The following DACH2 variants were observed in gnomAD, a reference collection of about 807,000 sequenced individuals.
DACH2 encodes the protein dachshund homolog 2.
DACH2 carries 17 observed loss-of-function variants against 35.8 expected under a neutral mutation model. The ratio of observed to expected loss-of-function variants is 0.48; its 90% CI spans 0.33 to 0.71. DACH2 has a LOEUF of 0.71. DACH2 is among the 30% of genes least tolerant of loss of function. The probability of loss-of-function intolerance (pLI) is 0.02; values close to 1 mark genes in which losing one functional copy is unlikely to be tolerated. For missense variants in DACH2, 469 were observed against 472.7 expected, an observed-to-expected ratio of 0.99 and a Z score of 0.07; for synonymous variants, 195 against 177.3, an observed-to-expected ratio of 1.10 and a Z score of -0.79.
At chrX:86,505,600 G>A (rs992532659) in intron 2 of DACH2, among the ~76,000 whole-genome samples, 3 of 106,173 alleles carry the variant, frequency 2.8e-5, no homozygotes, top group African/African-American at 3.5e-5. Flanking sequence ...CTATGTTGTA[G>A]CATGTGTCAG....
intron 1 of DACH2, among the ~76,000 whole-genome samples, chrX:86,194,129 A>G (rs2031911097): frequency 9.0e-6 from 1 of 110,971 alleles, no homozygotes; most frequent in Non-Finnish European, 1.9e-5. Flanking sequence ...AAACCAGGCT[A>G]GCCAAGTTCT....
At chrX:86,656,847 G>A (rs746329706) in intron 4 of DACH2, among the ~76,000 whole-genome samples, 58 of 66,501 alleles carry the variant, frequency 8.7e-4, no homozygotes, top group Non-Finnish European at 4.9e-4. Context: ...TAAAATACAT[G>A]TGTGTGTGTG....
Position 86,787,972 on chromosome X carries a change from T to G in DACH2, c.1241-24884T>G, listed in dbSNP as rs2042154058. 3.6e-5 allele frequency among the ~76,000 whole-genome samples: 4 copies of G among 111,105 alleles called. No individual in the cohort carries two copies. In the Admixed American group the frequency reaches 3.9e-4, roughly 11 times the overall value. ...GGGCCAAGCGGGCAACTTGAGAGAT[T>G]CGAGTGCACTACTTGACCTTTTGAC... On this transcript the variant is annotated intron_variant, in intron 7 of 11. Coordinates refer to ENST00000373125, the MANE Select transcript of DACH2 (RefSeq NM_053281.3).
chrX:86,739,525 G>A (rs1457822939), intron 6 of DACH2, among the ~76,000 whole-genome samples: 1 of 111,690 alleles, frequency 9.0e-6, no homozygotes, highest in East Asian at 2.8e-4. Context: ...TTTACTATAT[G>A]CTTTTTTGAC....
chrX:86,401,345 G>T (rs2036425307), intron 2 of DACH2, among the ~76,000 whole-genome samples: 1 of 112,048 alleles, frequency 8.9e-6, no homozygotes, highest in South Asian at 3.7e-4. Flanking sequence ...GTGATGCCTT[G>T]CCCTGCTTCG....
At chrX:86,563,030 A>G (rs1405274163) in intron 3 of DACH2, among the ~76,000 whole-genome samples, 1 of 111,178 alleles carries the variant, frequency 9.0e-6, no homozygotes, top group East Asian at 2.8e-4. Flanking sequence ...ATTCATGACT[A>G]TATTTTGCTG....
chrX:86,679,522 A>G (rs1023872439), intron 4 of DACH2, among the ~76,000 whole-genome samples: 4 of 111,151 alleles, frequency 3.6e-5, no homozygotes, highest in Non-Finnish European at 7.5e-5. Context: ...CTATTATTTT[A>G]TAAAACTCCA....
chrX:86,769,678 T>C (rs1483886339), intron 7 of DACH2, among the ~76,000 whole-genome samples: 1 of 111,829 alleles, frequency 8.9e-6, no homozygotes, highest in Admixed American at 9.5e-5. Flanking sequence ...CATATAGTCA[T>C]ATAATCATCT....
In DACH2 at chrX:86,706,959, A is replaced by G. The variant is rs377251119; in HGVS notation, c.932-7589A>G. On this transcript the variant is annotated intron_variant, in intron 5 of 11. Coordinates refer to ENST00000373125, the MANE Select transcript of DACH2 (RefSeq NM_053281.3). ...GGAAAATAAAAAGATAAAAAATTAAATCTAAAGCAGAAGAAAATATATAAT... is the reference window on the plus strand; with the variant it reads ...GGAAAATAAAAAGATAAAAAATTAAGTCTAAAGCAGAAGAAAATATATAAT... Among the ~76,000 whole-genome samples, 13 of 110,691 alleles carry G rather than the reference A, an allele frequency of 1.2e-4. No individual in the cohort carries two copies. In the South Asian group the frequency reaches 4.5e-3, roughly 38 times the overall value.
intron 1 of DACH2, among the ~76,000 whole-genome samples, chrX:86,185,216 G>A (rs939355976): frequency 1.8e-5 from 2 of 111,570 alleles, no homozygotes; most frequent in Non-Finnish European, 3.8e-5. Context: ...AAAAACCTAA[G>A]GTTATCATGC....
chrX:86,607,413 A>T (rs1197485246), intron 3 of DACH2, among the ~76,000 whole-genome samples: 1 of 111,181 alleles, frequency 9.0e-6, no homozygotes, highest in Non-Finnish European at 1.9e-5. Context: ...ATAACCCATT[A>T]TTATGAGGTG....
At chrX:86,738,277 C>T (rs139381769) in intron 6 of DACH2, among the ~76,000 whole-genome samples, 67 of 111,768 alleles carry the variant, frequency 6.0e-4, no homozygotes, top group African/African-American at 2.0e-3. Context: ...CAATGCCAGA[C>T]ATTGGATAAT....
At chrX:86,249,254 G>T (rs2033351328) in intron 1 of DACH2, among the ~76,000 whole-genome samples, 1 of 111,242 alleles carries the variant, frequency 9.0e-6, no homozygotes, top group Non-Finnish European at 1.9e-5. Flanking sequence ...ACTATTAACA[G>T]AGTAAACAGA....
At chrX:86,480,713 A>G (rs1302417326) in intron 2 of DACH2, among the ~76,000 whole-genome samples, 3 of 112,414 alleles carry the variant, frequency 2.7e-5, no homozygotes, top group Non-Finnish European at 5.6e-5. Context: ...TTTGCAAGTT[A>G]AAGAAGATGT....
chrX:86,178,771 A>G lies in DACH2; in HGVS notation c.488+29663A>G, dbSNP rs1009204881. 4.5e-5 allele frequency among the ~76,000 whole-genome samples: 5 copies of G among 111,779 alleles called. No individual in the cohort carries two copies. In the East Asian group the frequency reaches 1.4e-3, roughly 31 times the overall value. The stretch of plus-strand genomic sequence containing the variant: ...TTTAAGATTAATAAGCCTCATGTAC[A>G]TAAAGTGCTTGACACAATAAGATCA... On this transcript the variant is annotated intron_variant, in intron 1 of 11. Transcript: ENST00000373125.
chrX:86,491,741 C>T (rs543912370), intron 2 of DACH2, among the ~76,000 whole-genome samples: 6 of 111,503 alleles, frequency 5.4e-5, no homozygotes, highest in Admixed American at 9.6e-5. Flanking sequence ...AGTCGGGATG[C>T]GACAGTTGAA....
At position 86,620,368 on chromosome X, in the gene DACH2, G is replaced by A. The variant is rs774157370; in HGVS notation, c.641-30668G>A. Among the ~76,000 whole-genome samples the A allele has an allele frequency of 3.1e-3, 345 of 111,755 alleles. 1 individual carries two copies. Among genetic ancestry groups the A allele is most frequent in the Non-Finnish European group, 5.4e-3 (288 of 53,136 alleles). ...TTAGTTCCCCATCACTTTAGGACTA[G>A]AGTCGGGGAATTGGTTTTGAAACAT... On this transcript the variant is annotated intron_variant, in intron 3 of 11. Coordinates refer to ENST00000373125, the MANE Select transcript of DACH2 (RefSeq NM_053281.3).
chrX:86,311,353 C>G (rs1187415583), intron 1 of DACH2, among the ~76,000 whole-genome samples: 3 of 112,015 alleles, frequency 2.7e-5, no homozygotes, highest in African/African-American at 9.7e-5. Flanking sequence ...ATGGAATTCA[C>G]TGGTCTTACC....
chrX:86,382,671 T>A (rs2036064340), intron 2 of DACH2, among the ~76,000 whole-genome samples: 1 of 110,891 alleles, frequency 9.0e-6, no homozygotes, highest in African/African-American at 3.3e-5. Flanking sequence ...ATGAAGACAT[T>A]CTTAGAGACC....
Sources: allele counts gnomAD v4.1 joint callset (sites outside exome capture counted in the v4.1 genomes callset), GRCh38; gene constraint gnomAD v4.1.1; transcripts MANE v1.5; gene names NCBI Gene and HGNC (gene_info 2026-07-23, HGNC 2026-07-21).